The following ZDHHC8 variants were observed in gnomAD, a reference collection of about 807,000 sequenced individuals.
ZDHHC8 encodes the protein palmitoyltransferase ZDHHC8.
Under a neutral mutation model 61.2 loss-of-function variants are expected in ZDHHC8, and 24 were observed. That is an observed-to-expected ratio of 0.39 (90% CI 0.28 to 0.55). The LOEUF (loss-of-function observed/expected upper bound fraction) is 0.55, where lower values mean the gene tolerates loss of function less well. ZDHHC8 is among the 20% of genes least tolerant of loss of function. The pLI is 0.60. For missense variants in ZDHHC8, 935 were observed against 1,102.1 expected (o/e 0.85, Z 2.15); for synonymous variants, 523 against 492.5 (o/e 1.06, Z -0.82).
At chr22:20,140,255 C>T (rs374294831) in intron 5 of ZDHHC8, 38 bp downstream of exon 5, 39 of 1,585,774 alleles carry the variant, frequency 2.5e-5, no homozygotes, top group African/African-American at 1.9e-4. Context: ...CCCAAAGGGC[C>T]GAGAGAGTTG....
Position 20,143,042 on chromosome 22 carries a change from C to G in ZDHHC8, c.1412C>G (p.Pro471Arg). 1.9e-6 allele frequency: 3 copies of G among 1,612,554 alleles called. No homozygotes were observed. Among genetic ancestry groups the G allele is most frequent in the Non-Finnish European group, 1.7e-6 (2 of 1,179,860 alleles). ...AGCATTTTTGCCCCCCATGCACTGC[C>G]CAACCGCAACGGCAGCCTGTCCTAT... is the stretch of plus-strand genomic sequence containing the variant. ...HRSIFAPHALPNRNGSLSYDS... is the reference protein window; with the variant it reads ...HRSIFAPHALRNRNGSLSYDS... Residue 471 changes from proline (P) to arginine (R), a missense_variant, in exon 10 of 11, where the codon CCC (proline) becomes CGC (arginine). By Grantham distance (103) the Pro-to-Arg change is moderately radical (BLOSUM62 -2). This residue lies in a region of ZDHHC8 where 692 missense variants were observed against 731.4 expected (regional missense o/e 0.95). Transcript: ENST00000334554.
intron 9 of ZDHHC8, among the ~76,000 whole-genome samples, chr22:20,141,942 G>A (rs766529767): frequency 2.6e-5 from 4 of 152,336 alleles, no homozygotes; most frequent in Non-Finnish European, 4.4e-5. Context: ...AATTTGAGAC[G>A]TGCTTGAGAA....
rs140129372 is a variant in ZDHHC8 at position 20,143,556 on chromosome 22, G to A, written c.1926G>A (p.Ser642=). Reference sequence around the variant, plus strand: ...CCGTGAGCCGTGCACCGCGGACGTCGTCCTCCTCCCTGCAGGCTGATCAGG... The same window carrying A: ...CCGTGAGCCGTGCACCGCGGACGTCATCCTCCTCCCTGCAGGCTGATCAGG... ...SSSVSRAPRT[S]SSSLQADQAS... is the part of the protein sequence containing the mutation. Residue 642 remains serine (S), a synonymous_variant, in exon 10 of 11, where the codon TCG becomes TCA. Transcript: ENST00000334554. 459 of 1,596,668 alleles carry A rather than the reference G, an allele frequency of 2.9e-4. No individual in the cohort carries two copies. The highest frequency in any genetic ancestry group is 5.1e-4 in the African/African-American group (38 of 74,884).
chr22:20,142,846 G>T lies in ZDHHC8; in HGVS notation c.1216G>T (p.Gly406Trp). ...GCCGAGCCTGGACCTCCCTGACTAT[G>T]GGCCAGGGGGCCTGCATGCAGCCTA... ...SEPSLDLPDY[G>W]PGGLHAAYPP... Residue 406 changes from glycine to tryptophan, a missense_variant, in exon 10 of 11, where the codon GGG (glycine) becomes TGG (tryptophan). Gly to Trp is a radical substitution (Grantham distance 184, BLOSUM62 -2). This residue lies in a region of ZDHHC8 where 692 missense variants were observed against 731.4 expected (regional missense o/e 0.95). Coordinates refer to ENST00000334554, the MANE Select transcript of ZDHHC8 (RefSeq NM_013373.4). 1 of 1,612,592 alleles carries T rather than the reference G, an allele frequency of 6.2e-7. No individual in the cohort carries two copies. The highest frequency in any genetic ancestry group is 8.5e-7 in the Non-Finnish European group (1 of 1,179,908).
In ZDHHC8 at chr22:20,147,367, C is replaced by G; in HGVS notation, c.*1967C>G. 1.1e-6 allele frequency: 1 copy of G among 924,406 alleles called. No homozygotes were observed. Among genetic ancestry groups the G allele is most frequent in the South Asian group, 2.1e-5 (1 of 46,718 alleles). 57.3% of individuals were successfully genotyped at this position (924,406 alleles called of 1,614,324 possible). On this transcript the variant is annotated 3_prime_UTR_variant, in exon 11 of 11. Transcript: ENST00000334554. ...TCCACCAGCCACAGCTTGACAGATT[C>G]CCAGCCTGCCAGGGCCTGAGACCCT...
At chr22:20,141,646 C>A in intron 9 of ZDHHC8, 116 bp downstream of exon 9, 1 of 863,852 alleles carries the variant, frequency 1.2e-6, no homozygotes, top group Non-Finnish European at 1.8e-6. Flanking sequence ...ATCTCTCCAG[C>A]AGAGGCCACA....
chr22:20,143,361 C>T lies in ZDHHC8; in HGVS notation c.1731C>T (p.Gly577=), dbSNP rs760764440. The T allele has an allele frequency of 6.3e-6, 10 of 1,584,342 alleles. No homozygotes were observed. The highest frequency in any genetic ancestry group is 1.8e-5 in the Admixed American group (1 of 56,500). ...CCGACTCACTCTTCGGCGACTCAGG[C>T]GTCTATGACGCTCCCAGCTCCTACA... is the stretch of plus-strand genomic sequence containing the variant. ...SQADSLFGDS[G]VYDAPSSYSL... is the part of the protein sequence containing the mutation. The change falls in exon 10 of 11, where the codon GGC becomes GGT. Residue 577 remains glycine, a synonymous_variant. Transcript: ENST00000334554.
Position 20,143,293 on chromosome 22 carries a change from C to T in ZDHHC8, c.1663C>T (p.Arg555Cys), listed in dbSNP as rs750555500. The change falls in exon 10 of 11, where the codon CGC (arginine) becomes TGC (cysteine). Residue 555 changes from arginine (R) to cysteine (C), a missense_variant. By Grantham distance (180) the Arg-to-Cys change is radical. This residue lies in a region of ZDHHC8 where 692 missense variants were observed against 731.4 expected (regional missense o/e 0.95). Transcript: ENST00000334554. ...SRTIMASIQE[R>C]KDREERERLL... Reference sequence around the variant, plus strand: ...GACCATCATGGCATCCATCCAGGAGCGCAAGGACAGGGAGGAGCGTGAGCG... The same window carrying T: ...GACCATCATGGCATCCATCCAGGAGTGCAAGGACAGGGAGGAGCGTGAGCG... 2.0e-5 allele frequency: 32 copies of T among 1,604,692 alleles called. No individual in the cohort carries two copies. The highest frequency in any genetic ancestry group is 1.7e-4 in the Middle Eastern group (1 of 6,050).
At chr22:20,143,917 T>G (rs973282175) in intron 10 of ZDHHC8, among the ~76,000 whole-genome samples, 161 bp downstream of exon 10, 7 of 152,194 alleles carry the variant, frequency 4.6e-5, no homozygotes. Flanking sequence ...TTGAAGGCCT[T>G]GGCTAGCCCG....
At chr22:20,141,658 C>A in intron 9 of ZDHHC8, 128 bp downstream of exon 9, 2 of 787,282 alleles carry the variant, frequency 2.5e-6, no homozygotes, top group Non-Finnish European at 4.1e-6. Context: ...GAGGCCACAT[C>A]CCCTGAGGCC....
rs1356315932 is a variant in ZDHHC8 at position 20,146,977 on chromosome 22, C to A, written c.*1577C>A. ...GCGGGCTGTAGGGCCCCGAAGCTGA[C>A]CTCCACCTTTCTGCTTCTCTCTCAC... is the stretch of plus-strand genomic sequence containing the variant. On this transcript the variant is annotated 3_prime_UTR_variant, in exon 11 of 11. Transcript: ENST00000334554. 7.2e-7 allele frequency: 1 copy of A among 1,384,268 alleles called. No homozygotes were observed. Among genetic ancestry groups the A allele is most frequent in the Non-Finnish European group, 9.3e-7 (1 of 1,071,276 alleles). The allele number at this position is 1,384,268 out of a possible 1,614,324, so 85.7% of individuals were successfully genotyped here. A position where few individuals can be genotyped will look rare whatever the true frequency, so the allele number is the denominator to read the frequency against.
Position 20,139,822 on chromosome 22 carries a change from G to C in ZDHHC8, c.487G>C (p.Val163Leu). ...GTCACTCAGTGCACACATGGTGGGC[G>C]TCGTGGCCTTCGGCCTGGTCTACGT... ...LLSLSAHMVG[V>L]VAFGLVYVLN... The change falls in exon 4 of 11, where the codon GTC (valine) becomes CTC (leucine). Residue 163 changes from valine (V) to leucine (L), a missense_variant. Physicochemically the swap from Val to Leu is conservative, Grantham distance 32 (BLOSUM62 1). Transcript: ENST00000334554. The C allele has an allele frequency of 6.2e-7, 1 of 1,612,978 alleles. No individual in the cohort carries two copies.
chr22:20,145,437 G>T lies in ZDHHC8; in HGVS notation c.*37G>T. The T allele has an allele frequency of 7.0e-7, 1 of 1,428,458 alleles. No individual in the cohort carries two copies. Among genetic ancestry groups the T allele is most frequent in the South Asian group, 1.5e-5 (1 of 67,974 alleles). The allele number at this position is 1,428,458 out of a possible 1,614,324, so 88.5% of individuals were successfully genotyped here. A position where few individuals can be genotyped will look rare whatever the true frequency, so the allele number is the denominator to read the frequency against. On this transcript the variant is annotated 3_prime_UTR_variant, in exon 11 of 11. Coordinates refer to ENST00000334554, the MANE Select transcript of ZDHHC8 (RefSeq NM_013373.4). ...CACACATCCGCCATGGTGCCACGGG[G>T]ACCAGGACCCCACAGCGCACCCCCC... is the stretch of plus-strand genomic sequence containing the variant.
rs754905240 is a variant in ZDHHC8 at position 20,132,037 on chromosome 22, C to T, written c.90C>T (p.Leu30=). 2.2e-6 allele frequency: 3 copies of T among 1,357,270 alleles called. No homozygotes were observed. Among genetic ancestry groups the T allele is most frequent in the African/African-American group, 3.0e-5 (2 of 66,026 alleles). 84.1% of individuals were successfully genotyped at this position (1,357,270 alleles called of 1,614,324 possible). Residue 30 remains leucine, a synonymous_variant, in exon 1 of 11, where the codon CTC becomes CTT. Coordinates refer to ENST00000334554, the MANE Select transcript of ZDHHC8 (RefSeq NM_013373.4). ...CGCTGCTGGTCGGCTCCAGCACCCT[C>T]TTCTTCGTGTTCACGTGAGTCGGCG... ...AAALLVGSST[L]FFVFTCPWLT...
rs1388159145 is a variant in ZDHHC8, at chr22:20,139,907, T to C, written c.557+15T>C. On this transcript the variant is annotated intron_variant, in intron 4 of 10. Transcript: ENST00000334554. Reference sequence around the variant, plus strand: ...ACCACCATCACGTATCCTTGGTTCCTGTGGGCCTCATTGCAGAGGCGATGT... The same window carrying C: ...ACCACCATCACGTATCCTTGGTTCCCGTGGGCCTCATTGCAGAGGCGATGT... The C allele has an allele frequency of 2.5e-6, 4 of 1,605,858 alleles. No individual in the cohort carries two copies. The highest frequency in any genetic ancestry group is 1.1e-5 in the South Asian group (1 of 90,906).
At chr22:20,135,272 C>T (rs1284388947) in intron 1 of ZDHHC8, among the ~76,000 whole-genome samples, 1 of 152,018 alleles carries the variant, frequency 6.6e-6, no homozygotes, top group Non-Finnish European at 1.5e-5. Flanking sequence ...GGTTTTGTAT[C>T]CCCCTGGGCT....
intron 1 of ZDHHC8, among the ~76,000 whole-genome samples, chr22:20,135,862 G>T (rs1568991233): frequency 6.6e-6 from 1 of 152,272 alleles, no homozygotes; most frequent in Non-Finnish European, 1.5e-5. Flanking sequence ...CGCCCCACGG[G>T]CGAGTGCCAC....
In ZDHHC8 at chr22:20,139,691, A is replaced by G. The variant is rs778316591; in HGVS notation, c.385-29A>G. ...GCCCTGTGCCACATCCCTGCCTGCCATGTGCCCTGATGCACTGCTCCCGCC... is the reference window on the plus strand; with the variant it reads ...GCCCTGTGCCACATCCCTGCCTGCCGTGTGCCCTGATGCACTGCTCCCGCC... On this transcript the variant is annotated intron_variant, in intron 3 of 10. Transcript: ENST00000334554. 7.4e-6 allele frequency: 12 copies of G among 1,611,144 alleles called. No homozygotes were observed. The South Asian group carries it at 1.2e-4, about 16-fold the overall frequency.
Position 20,146,683 on chromosome 22 carries a change from T to C in ZDHHC8, c.*1283T>C. 9.3e-7 allele frequency: 1 copy of C among 1,078,542 alleles called. No homozygotes were observed. Among genetic ancestry groups the C allele is most frequent in the East Asian group, 5.8e-5 (1 of 17,108 alleles). The allele number at this position is 1,078,542 out of a possible 1,614,324, so 66.8% of individuals were successfully genotyped here. A position where few individuals can be genotyped will look rare whatever the true frequency, so the allele number is the denominator to read the frequency against. ...GTGAGGGTCTCTCGCCTTGGGTCTG[T>C]GTCAGTTCTGGCAGTGACAGGGTGT... On this transcript the variant is annotated 3_prime_UTR_variant, in exon 11 of 11. Coordinates refer to ENST00000334554, the MANE Select transcript of ZDHHC8 (RefSeq NM_013373.4).
Sources: allele counts gnomAD v4.1 joint callset (sites outside exome capture counted in the v4.1 genomes callset), GRCh38; gene constraint gnomAD v4.1.1; regional missense constraint gnomAD v4.1.1; transcripts MANE v1.5; gene names NCBI Gene and HGNC (gene_info 2026-07-23, HGNC 2026-07-21).